Variants in ARID4A observed in about 807,000 individuals in gnomAD.
The protein encoded by ARID4A is AT-rich interaction domain 4A, also known as AT-rich interactive domain-containing protein 4A.
A neutral mutation model predicts 148.6 loss-of-function variants in ARID4A; 39 were observed. The ratio of observed to expected loss-of-function variants is 0.26; its 90% CI spans 0.20 to 0.34. The LOEUF (loss-of-function observed/expected upper bound fraction) is 0.34, where lower values mean the gene tolerates loss of function less well. Ranked by LOEUF, ARID4A falls within the 10% of genes least tolerant of loss-of-function variation. The probability of loss-of-function intolerance (pLI) is 1.00; values close to 1 mark genes in which losing one functional copy is unlikely to be tolerated. For synonymous variants in ARID4A, 475 were observed against 481.2 expected, an observed-to-expected ratio of 0.99 and a Z score of 0.17; for missense variants, 1,265 against 1,449.1, an observed-to-expected ratio of 0.87 and a Z score of 2.06.
chr14:58,332,584 A>G (rs756837774), intron 11 of ARID4A, among the ~76,000 whole-genome samples: 1 of 152,142 alleles, frequency 6.6e-6, no homozygotes, highest in Non-Finnish European at 1.5e-5. Flanking sequence ...TTAAAAGTGT[A>G]ATATACTGAT....
chr14:58,372,009 C>T lies in ARID4A; in HGVS notation c.*20C>T. On this transcript the variant is annotated 3_prime_UTR_variant, in exon 24 of 24. Coordinates refer to ENST00000355431, the MANE Select transcript of ARID4A (RefSeq NM_002892.4). Reference sequence around the variant, plus strand: ...AGGTGATAAACATTTTCTCTACCTTCCCAGCAGTTTGCTGCCATGGACATA... The same window carrying T: ...AGGTGATAAACATTTTCTCTACCTTTCCAGCAGTTTGCTGCCATGGACATA... The T allele has an allele frequency of 6.5e-7, 1 of 1,539,852 alleles. No homozygotes were observed. Among genetic ancestry groups the T allele is most frequent in the Non-Finnish European group, 9.0e-7 (1 of 1,114,228 alleles).
chr14:58,332,165 G>C (rs2033567145), intron 11 of ARID4A, among the ~76,000 whole-genome samples: 1 of 152,168 alleles, frequency 6.6e-6, no homozygotes, highest in East Asian at 1.9e-4. Context: ...GTATACGTTA[G>C]TATAAAAGAA....
chr14:58,323,389 T>G, intron 7 of ARID4A, 96 bp from the exon 8 acceptor site: 1 of 1,385,176 alleles, frequency 7.2e-7, no homozygotes, highest in Non-Finnish European at 9.9e-7. Context: ...TAGGGTGTAG[T>G]CCATTAGAAA....
At chr14:58,303,685 G>T (rs767680628) in intron 3 of ARID4A, 34 of 298,906 alleles carry the variant, frequency 1.1e-4, no homozygotes, top group Non-Finnish European at 2.5e-4. Context: ...CAGACCAGCA[G>T]CATCAGCCTT....
chr14:58,319,948 CTTTTTTTT>C (rs1011938946), intron 7 of ARID4A, among the ~76,000 whole-genome samples: 1 of 127,188 alleles, frequency 7.9e-6, no homozygotes, highest in African/African-American at 2.8e-5. Context: ...TTTTTCTTTT[CTTTTTTTT>C]TTTTTTTTTT....
intron 19 of ARID4A, among the ~76,000 whole-genome samples, chr14:58,363,077 A>C (rs967525589): frequency 6.6e-6 from 1 of 152,236 alleles, no homozygotes; most frequent in East Asian, 1.9e-4. Flanking sequence ...TGCAGTGTCC[A>C]GTCTATACAA....
intron 11 of ARID4A, among the ~76,000 whole-genome samples, chr14:58,339,846 G>T (rs1194522342): frequency 7.6e-4 from 1 of 1,314 alleles, no homozygotes; most frequent in Admixed American, 0.014. Context: ...GGCAACAGGA[G>T]AGAGAGAGAG....
At chr14:58,362,055 A>G (rs1194663921) in intron 19 of ARID4A, among the ~76,000 whole-genome samples, 2 of 152,134 alleles carry the variant, frequency 1.3e-5, no homozygotes, top group Non-Finnish European at 2.9e-5. Context: ...TAGAAGGTGA[A>G]TTGACAATCC....
At chr14:58,324,455 T>C (rs959112383) in intron 8 of ARID4A, among the ~76,000 whole-genome samples, 2 of 152,166 alleles carry the variant, frequency 1.3e-5, no homozygotes, top group Non-Finnish European at 2.9e-5. Context: ...TTTTATTTTT[T>C]ATTTTTTGTA....
intron 18 of ARID4A, 44 bp downstream of exon 18, chr14:58,359,260 A>T: frequency 6.6e-7 from 1 of 1,523,864 alleles, no homozygotes; most frequent in East Asian, 2.3e-5. Context: ...TATAGGAATT[A>T]TCCAAATTGT....
chr14:58,349,603 A>G (rs971797760), intron 15 of ARID4A, among the ~76,000 whole-genome samples: 1 of 152,144 alleles, frequency 6.6e-6, no homozygotes, highest in African/African-American at 2.4e-5. Context: ...AGTCCCAGCT[A>G]CTCAGGACGC....
intron 8 of ARID4A, among the ~76,000 whole-genome samples, chr14:58,324,881 G>A (rs921845076): frequency 3.3e-5 from 5 of 152,092 alleles, no homozygotes; most frequent in African/African-American, 4.8e-5. Context: ...AAACAAATAC[G>A]AGGCTTTAAT....
Position 58,365,568 on chromosome 14 carries a change from A to C in ARID4A, c.3262A>C (p.Lys1088Gln), listed in dbSNP as rs1258977010. 1 of 1,613,104 alleles carries C rather than the reference A, an allele frequency of 6.2e-7. No individual in the cohort carries two copies. Among genetic ancestry groups the C allele is most frequent in the East Asian group, 2.2e-5 (1 of 44,814 alleles). Residue 1088 changes from lysine (K) to glutamine (Q), a missense_variant, in exon 21 of 24, where the codon AAG (lysine) becomes CAG (glutamine). Coordinates refer to ENST00000355431, the MANE Select transcript of ARID4A (RefSeq NM_002892.4). Reference protein sequence around the residue: ...GNSGLMAKKQKRTPKRTSAAA... With the variant: ...GNSGLMAKKQQRTPKRTSAAA... The stretch of plus-strand genomic sequence containing the variant: ...TAGTGGATTAATGGCAAAAAAGCAA[A>C]AGCGTACCCCAAAGCGAACAAGTGC...
intron 17 of ARID4A, among the ~76,000 whole-genome samples, chr14:58,357,092 G>A (rs779758072): frequency 3.3e-5 from 5 of 152,096 alleles, no homozygotes; most frequent in Non-Finnish European, 5.9e-5. Flanking sequence ...GAAATCATGA[G>A]ACTAATCAAC....
In ARID4A at chr14:58,371,876, G is replaced by C; in HGVS notation, c.3671-10G>C. The C allele has an allele frequency of 1.2e-6, 2 of 1,605,840 alleles. No homozygotes were observed. The highest frequency in any genetic ancestry group is 1.7e-6 in the Non-Finnish European group (2 of 1,172,818). On this transcript the variant is annotated splice_polypyrimidine_tract_variant and intron_variant, in intron 23 of 23. Coordinates refer to ENST00000355431, the MANE Select transcript of ARID4A (RefSeq NM_002892.4). The stretch of plus-strand genomic sequence containing the variant: ...TTTTTGGATCTAACATAGTTGTTTT[G>C]ATTCCACAGTGTCTCATGCGGGAGC...
chr14:58,304,825 G>A lies in ARID4A; in HGVS notation c.118-119G>A. On this transcript the variant is annotated intron_variant, in intron 3 of 23. Transcript: ENST00000355431. The stretch of plus-strand genomic sequence containing the variant: ...AGAGAATGTAATAAGTATTACATTA[G>A]CAGGGGTCACCACATGGTGCTAAGA... 6.2e-6 allele frequency: 5 copies of A among 808,064 alleles called. No individual in the cohort carries two copies. The South Asian group carries it at 8.2e-5, about 13-fold the overall frequency. 50.1% of individuals were successfully genotyped at this position (808,064 alleles called of 1,614,324 possible).
chr14:58,314,533 C>T (rs574540023), intron 5 of ARID4A, among the ~76,000 whole-genome samples: 2 of 152,274 alleles, frequency 1.3e-5, no homozygotes, highest in African/African-American at 4.8e-5. Flanking sequence ...TCATGTGATC[C>T]TCCTACCTCA....
chr14:58,364,925 G>A lies in ARID4A; in HGVS notation c.2836G>A (p.Glu946Lys). ...TGTAAATATTCCACTAAAAGAAGATGAGGATGCAATGCCTCTGATCGGGCC... is the reference window on the plus strand; with the variant it reads ...TGTAAATATTCCACTAAAAGAAGATAAGGATGCAATGCCTCTGATCGGGCC... The part of the protein sequence containing the change: ...ETVNIPLKED[E>K]DAMPLIGPET... The change falls in exon 20 of 24, where the codon GAG becomes AAG. Residue 946 changes from glutamate to lysine, a missense_variant. Around this residue, in one of 9 missense-constraint regions of ARID4A, gnomAD observed 666 missense variants for 730.9 expected, o/e 0.91. Coordinates refer to ENST00000355431, the MANE Select transcript of ARID4A (RefSeq NM_002892.4). 6.2e-7 allele frequency: 1 copy of A among 1,614,142 alleles called. No individual in the cohort carries two copies. Among genetic ancestry groups the A allele is most frequent in the Non-Finnish European group, 8.5e-7 (1 of 1,179,996 alleles).
intron 11 of ARID4A, among the ~76,000 whole-genome samples, chr14:58,339,058 A>G (rs2033977988): frequency 1.4e-5 from 2 of 146,238 alleles, no homozygotes; most frequent in Non-Finnish European, 3.0e-5. Flanking sequence ...TCAACTTTCC[A>G]GGCTCAAGCC....
Sources: allele counts gnomAD v4.1 joint callset (sites outside exome capture counted in the v4.1 genomes callset), GRCh38; gene constraint gnomAD v4.1.1; regional missense constraint gnomAD v4.1.1; transcripts MANE v1.5; gene names NCBI Gene and HGNC (gene_info 2026-07-23, HGNC 2026-07-21).